IRX2: variants seen among roughly 807,000 people sequenced by gnomAD.
IRX2 encodes the protein iroquois homeobox 2, also known as iroquois-class homeodomain protein IRX-2.
A neutral mutation model predicts 42.9 loss-of-function variants in IRX2; 26 were observed. That is an observed-to-expected ratio of 0.61 (90% CI 0.44 to 0.84). The LOEUF (loss-of-function observed/expected upper bound fraction) is 0.84, where lower values mean the gene tolerates loss of function less well. Ranked by LOEUF, IRX2 falls within the 40% of genes least tolerant of loss-of-function variation. The probability of loss-of-function intolerance (pLI) is 0.00; values close to 1 mark genes in which losing one functional copy is unlikely to be tolerated. For synonymous variants in IRX2, 424 were observed against 353.9 expected, an observed-to-expected ratio of 1.20 and a Z score of -2.22; for missense variants, 782 against 713.9, an observed-to-expected ratio of 1.10 and a Z score of -1.09.
downstream of IRX2, among the ~76,000 whole-genome samples, chr5:2,740,994 G>A (rs1737524978): frequency 6.6e-6 from 1 of 152,226 alleles, no homozygotes; most frequent in Admixed American, 6.5e-5. Flanking sequence ...TAACCTTTCA[G>A]GGTCCAAGAG....
At chr5:2,736,377 G>T in the IRX2 span, among the ~76,000 whole-genome samples, 1 of 152,124 alleles carries the variant, frequency 6.6e-6, no homozygotes, top group Non-Finnish European at 1.5e-5. Context: ...TAAATTTTTA[G>T]AATTAAAACA....
chr5:2,741,318 C>T (rs144173443), downstream of IRX2, among the ~76,000 whole-genome samples: 98 of 152,296 alleles, frequency 6.4e-4, no homozygotes, highest in African/African-American at 2.3e-3. Flanking sequence ...TTTGATCAGC[C>T]TTATTAATTC....
chr5:2,750,147 T>G (rs761475425), intron 1 of IRX2, among the ~76,000 whole-genome samples: 7 of 151,784 alleles, frequency 4.6e-5, no homozygotes, highest in Non-Finnish European at 8.8e-5. Flanking sequence ...ATGCTTGGAG[T>G]GCGGCTGCCT....
At chr5:2,747,987 G>A (rs896408523) in intron 3 of IRX2, among the ~76,000 whole-genome samples, 36 of 152,162 alleles carry the variant, frequency 2.4e-4, no homozygotes, top group African/African-American at 7.7e-4. Flanking sequence ...CAGAAAAGCG[G>A]ATTCAACTCT....
Position 2,751,120 on chromosome 5 carries a change from GGTCCCGGCGCCCAGGAGTCCCGC to G in IRX2, c.249+22_249+44del. 5 of 1,212,558 alleles carry G rather than the reference GGTCCCGGCGCCCAGGAGTCCCGC, an allele frequency of 4.1e-6. No homozygotes were observed. Among genetic ancestry groups the G allele is most frequent in the Non-Finnish European group, 5.1e-6 (5 of 974,942 alleles). 75.1% of individuals were successfully genotyped at this position (1,212,558 alleles called of 1,614,324 possible). A position where few individuals can be genotyped will look rare whatever the true frequency, so the allele number is the denominator to read the frequency against. The stretch of plus-strand genomic sequence containing the variant: ...CCCCGCTCCGCCTGAGCCCCGTCTG[GGTCCCGGCGCCCAGGAGTCCCGC>G]GTCCCGCCCGCGCCCGGTTACCATG... On this transcript the variant is annotated intron_variant, in intron 1 of 3. Transcript: ENST00000302057. This position sits in a 1 kb window ranked among gnomAD's most constrained non-coding sequence, Gnocchi z 4.0.
At chr5:2,740,415 T>C in the IRX2 span, among the ~76,000 whole-genome samples, 10 of 152,080 alleles carry the variant, frequency 6.6e-5, no homozygotes, top group African/African-American at 2.4e-4. Flanking sequence ...GCCTTGGTCG[T>C]TGCCTTTTAG....
downstream of IRX2, among the ~76,000 whole-genome samples, chr5:2,741,030 G>A (rs921832161): frequency 6.6e-5 from 10 of 152,252 alleles, no homozygotes; most frequent in African/African-American, 2.4e-4. Context: ...CCACCTTGCT[G>A]GGTGCAGAGC....
rs1737706714 is a variant in IRX2 at position 2,747,316 on chromosome 5, TA to T, written c.*247del. 3.9e-6 allele frequency: 1 copy of T among 254,908 alleles called. No homozygotes were observed. Among genetic ancestry groups the T allele is most frequent in the South Asian group, 6.0e-5 (1 of 16,646 alleles). The allele number at this position is 254,908 out of a possible 1,614,324, so 15.8% of individuals were successfully genotyped here. A position where few individuals can be genotyped will look rare whatever the true frequency, so the allele number is the denominator to read the frequency against. On this transcript the variant is annotated 3_prime_UTR_variant, in exon 4 of 4. Transcript: ENST00000302057. ...ACACACACACACACACATATATATA[TA>T]TATTTTTTTTTTCCTTCCCTAGGTA... is the stretch of plus-strand genomic sequence containing the variant.
chr5:2,749,903 G>T lies in IRX2; in HGVS notation c.250-116C>A. 1.8e-6 allele frequency: 2 copies of T among 1,096,290 alleles called. 1 individual carries two copies. Among genetic ancestry groups the T allele is most frequent in the Middle Eastern group, 6.1e-4 (2 of 3,264 alleles). The allele number at this position is 1,096,290 out of a possible 1,614,324, so 67.9% of individuals were successfully genotyped here. ...CCGTTCCCCCCGTGAGTCTGGCTCT[G>T]GGGCTGCGCTTCCCGCCGCAAAAGA... On this transcript the variant is annotated intron_variant, in intron 1 of 3. Coordinates refer to ENST00000302057, the MANE Select transcript of IRX2 (RefSeq NM_033267.5).
rs1273928407 is a variant in IRX2 at position 2,747,728 on chromosome 5, G to A, written c.1364-112C>T. 10 of 1,069,972 alleles carry A rather than the reference G, an allele frequency of 9.3e-6. No homozygotes were observed. In the East Asian group the frequency reaches 2.0e-4, roughly 22 times the overall value. The allele number at this position is 1,069,972 out of a possible 1,614,324, so 66.3% of individuals were successfully genotyped here. On this transcript the variant is annotated intron_variant, in intron 3 of 3. Coordinates refer to ENST00000302057, the MANE Select transcript of IRX2 (RefSeq NM_033267.5). ...CAGGCAAACAGCAGTTTGGGAAACC[G>A]ACTGTCTCCAGGGCCGCTATCTGAG...
the IRX2 span, among the ~76,000 whole-genome samples, chr5:2,740,174 G>C: frequency 6.8e-6 from 1 of 146,302 alleles, no homozygotes; most frequent in Non-Finnish European, 1.5e-5. Flanking sequence ...CGGGGCAGTC[G>C]TGGCGTGCGG....
At position 2,746,443 on chromosome 5, in the gene IRX2, A is replaced by T. The variant is rs968517858; in HGVS notation, c.*1121T>A. On this transcript the variant is annotated 3_prime_UTR_variant, in exon 4 of 4. Coordinates refer to ENST00000302057, the MANE Select transcript of IRX2 (RefSeq NM_033267.5). ...CTACTGTGTACATCTTTTACAAATA[A>T]ACTTTACAGTAAATCCTATCACACC... is the stretch of plus-strand genomic sequence containing the variant. The T allele has an allele frequency of 6.6e-6, 1 of 152,234 alleles. No individual in the cohort carries two copies. The highest frequency in any genetic ancestry group is 1.5e-5 in the Non-Finnish European group (1 of 68,040). The allele number at this position is 152,234 out of a possible 1,614,324, so 9.4% of individuals were successfully genotyped here.
At chr5:2,747,716 G>A (rs961870232) in intron 3 of IRX2, 100 bp from the exon 4 acceptor site, 1 of 1,231,106 alleles carries the variant, frequency 8.1e-7, no homozygotes, top group Non-Finnish European at 1.2e-6. Context: ...GCAAACAGCA[G>A]TTTGGGAAAC....
At chr5:2,745,373 C>T (rs1737635664), downstream of IRX2, among the ~76,000 whole-genome samples, 1 of 152,114 alleles carries the variant, frequency 6.6e-6, no homozygotes, top group Non-Finnish European at 1.5e-5. Context: ...TTGTTCATTT[C>T]TTCTCTGAAA....
In IRX2 at chr5:2,751,076, CCCG is replaced by C; in HGVS notation, c.249+86_249+88del. ...CAGCCGCGCCACATTCCCGGCGGCC[CCCG>C]CCCGCCGAACCCGAGCCCCGCTCCG... On this transcript the variant is annotated intron_variant, in intron 1 of 3. Transcript: ENST00000302057. The surrounding 1 kb of genome is among the most constrained non-coding windows in gnomAD (Gnocchi z 4.0). The C allele has an allele frequency of 8.5e-7, 1 of 1,177,492 alleles. No homozygotes were observed. Among genetic ancestry groups the C allele is most frequent in the East Asian group, 3.7e-5 (1 of 27,164 alleles). The allele number at this position is 1,177,492 out of a possible 1,614,324, so 72.9% of individuals were successfully genotyped here. A position where few individuals can be genotyped will look rare whatever the true frequency, so the allele number is the denominator to read the frequency against.
chr5:2,739,272 G>C, the IRX2 span, among the ~76,000 whole-genome samples: 2 of 152,330 alleles, frequency 1.3e-5, no homozygotes, highest in Admixed American at 6.5e-5. Flanking sequence ...CGTCCCCCGA[G>C]GTGTCGCCTG....
chr5:2,738,223 G>C, the IRX2 span, among the ~76,000 whole-genome samples: 1 of 152,258 alleles, frequency 6.6e-6, no homozygotes, highest in Admixed American at 6.5e-5. Context: ...TAAACAAACT[G>C]TCTCTCTCCT....
chr5:2,748,638 G>A lies in IRX2; in HGVS notation c.1070C>T (p.Ala357Val), dbSNP rs575915597. The A allele has an allele frequency of 1.7e-5, 24 of 1,422,194 alleles. No homozygotes were observed. Among genetic ancestry groups the A allele is most frequent in the Non-Finnish European group, 2.2e-5 (24 of 1,090,290 alleles). The allele number at this position is 1,422,194 out of a possible 1,614,324, so 88.1% of individuals were successfully genotyped here. The change falls in exon 3 of 4, where the codon GCC becomes GTC. Residue 357 changes from alanine (A) to valine (V), a missense_variant. Ala to Val is a moderately conservative substitution (Grantham distance 64). Transcript: ENST00000302057. Reference sequence around the variant, plus strand: ...TGCCCCGGTTGAGGCCGGCGCGGCGGCCGCGGGCAGCCCCGGTGGCCCGCA... The same window carrying A: ...TGCCCCGGTTGAGGCCGGCGCGGCGACCGCGGGCAGCCCCGGTGGCCCGCA... ...PGCGPPGLPA[A>V]AAPASTGAPP...
the IRX2 span, among the ~76,000 whole-genome samples, chr5:2,739,786 C>G: frequency 6.6e-6 from 1 of 152,272 alleles, no homozygotes; most frequent in Admixed American, 6.5e-5. Context: ...GGCGAGCACC[C>G]GGGGCCAGCC....
Sources: allele counts gnomAD v4.1 joint callset (sites outside exome capture counted in the v4.1 genomes callset), GRCh38; gene constraint gnomAD v4.1.1; non-coding constraint Gnocchi (gnomAD v3.1); transcripts MANE v1.5; gene names NCBI Gene and HGNC (gene_info 2026-07-23, HGNC 2026-07-21).